The following BNC2 variants were observed in gnomAD, a reference collection of about 807,000 sequenced individuals.
The protein encoded by BNC2 is zinc finger protein basonuclin-2.
A neutral mutation model predicts 76.3 loss-of-function variants in BNC2; 20 were observed. That is an observed-to-expected ratio of 0.26 (90% CI 0.18 to 0.38). The LOEUF is 0.38. Ranked by LOEUF, BNC2 falls within the 10% of genes least tolerant of loss-of-function variation. The pLI is 1.00. For missense variants in BNC2, 1,382 were observed against 1,399.8 expected, an observed-to-expected ratio of 0.99 and a Z score of 0.20; for synonymous variants, 582 against 514.8, an observed-to-expected ratio of 1.13 and a Z score of -1.77.
Position 16,679,128 on chromosome 9 carries a change from G to C in BNC2, c.330+48669C>G, listed in dbSNP as rs113141567. ...CAATCACAGCCAGACTCTATAGAAA[G>C]CTACACTGTGCCTCAATTCAGCCTG... On this transcript the variant is annotated intron_variant, in intron 3 of 6. Coordinates refer to ENST00000380672, the MANE Select transcript of BNC2 (RefSeq NM_017637.6). Among the ~76,000 whole-genome samples the C allele has an allele frequency of 3.9e-3, 593 of 152,154 alleles. 1 individual carries two copies. The highest frequency in any genetic ancestry group is 0.013 in the African/African-American group (552 of 41,514).
intron 1 of BNC2, among the ~76,000 whole-genome samples, chr9:16,755,701 G>C (rs1825365565): frequency 1.3e-5 from 2 of 152,072 alleles, no homozygotes; most frequent in South Asian, 2.1e-4. Context: ...GTGTCTAATA[G>C]AAACTTCAAA....
intron 1 of BNC2, among the ~76,000 whole-genome samples, chr9:16,746,767 C>G (rs1205497596): frequency 6.6e-6 from 1 of 151,518 alleles, no homozygotes; most frequent in Non-Finnish European, 1.5e-5. Flanking sequence ...TCGAGACCAT[C>G]CTGGATTAAC....
At chr9:16,704,240 C>CA (rs1200606936) in intron 3 of BNC2, among the ~76,000 whole-genome samples, 1 of 152,118 alleles carries the variant, frequency 6.6e-6, no homozygotes, top group Non-Finnish European at 1.5e-5. Flanking sequence ...CAACTGAAGT[C>CA]AAATCATACA....
chr9:16,844,248 A>C (rs1818907771), intron 1 of BNC2, among the ~76,000 whole-genome samples: 1 of 152,080 alleles, frequency 6.6e-6, no homozygotes, highest in Admixed American at 6.6e-5. Flanking sequence ...GGGTGTTTGC[A>C]AAAACGGGTA....
intron 4 of BNC2, among the ~76,000 whole-genome samples, chr9:16,557,356 G>A (rs763118847): frequency 8.6e-5 from 13 of 151,964 alleles, no homozygotes; most frequent in East Asian, 1.9e-4. Flanking sequence ...AAAATAAGCC[G>A]GGCATGGTGG....
intron 5 of BNC2, among the ~76,000 whole-genome samples, chr9:16,530,997 C>T (rs1165919731): frequency 6.6e-6 from 1 of 152,194 alleles, no homozygotes; most frequent in East Asian, 1.9e-4. Flanking sequence ...CGAAACTTGC[C>T]ACCCACCTCC....
intron 5 of BNC2, among the ~76,000 whole-genome samples, chr9:16,520,787 A>G (rs923019664): frequency 6.6e-6 from 1 of 152,196 alleles, no homozygotes; most frequent in African/African-American, 2.4e-5. Context: ...ATGTTGTGTT[A>G]CTATAAGTTT....
intron 3 of BNC2, among the ~76,000 whole-genome samples, chr9:16,638,567 A>AC (rs1381941496): frequency 6.6e-6 from 1 of 152,126 alleles, no homozygotes; most frequent in Non-Finnish European, 1.5e-5. Flanking sequence ...TCTCCCCTGT[A>AC]CCCCTCAAAT....
At chr9:16,779,790 A>G (rs1826072794) in intron 1 of BNC2, among the ~76,000 whole-genome samples, 1 of 152,220 alleles carries the variant, frequency 6.6e-6, no homozygotes, top group African/African-American at 2.4e-5. Context: ...ATCCATAGAG[A>G]AAAAGTAGAT....
chr9:16,600,280 A>G (rs1820210490), intron 3 of BNC2, among the ~76,000 whole-genome samples: 1 of 152,234 alleles, frequency 6.6e-6, no homozygotes, highest in South Asian at 2.1e-4. Flanking sequence ...CTGAAACATT[A>G]TCTGAATATC....
intron 5 of BNC2, among the ~76,000 whole-genome samples, chr9:16,461,952 T>G (rs1821592162): frequency 1.3e-5 from 2 of 152,214 alleles, no homozygotes; most frequent in African/African-American, 4.8e-5. Flanking sequence ...TGCTTCTGCT[T>G]CCTAACAAAT....
chr9:16,824,184 T>C (rs1044947966), intron 1 of BNC2, among the ~76,000 whole-genome samples: 2 of 152,186 alleles, frequency 1.3e-5, no homozygotes, highest in South Asian at 4.1e-4. Flanking sequence ...GTAATGTGTC[T>C]AACGACAGTG....
At chr9:16,490,338 T>G (rs1330193543) in intron 5 of BNC2, among the ~76,000 whole-genome samples, 1 of 151,966 alleles carries the variant, frequency 6.6e-6, no homozygotes, top group Non-Finnish European at 1.5e-5. Context: ...TGGAGAGACT[T>G]ATTCACCATC....
chr9:16,599,986 A>G (rs1002109364), intron 3 of BNC2, among the ~76,000 whole-genome samples: 2 of 152,198 alleles, frequency 1.3e-5, no homozygotes, highest in Non-Finnish European at 2.9e-5. Flanking sequence ...AAAGGAAAAC[A>G]GGGGCAACCA....
At chr9:16,479,774 C>A (rs1199941166) in intron 5 of BNC2, among the ~76,000 whole-genome samples, 1 of 115,216 alleles carries the variant, frequency 8.7e-6, no homozygotes, top group South Asian at 3.9e-4. Context: ...GATCTGACTT[C>A]TTTCTTTATG....
chr9:16,774,552 C>G (rs1227568300), intron 1 of BNC2, among the ~76,000 whole-genome samples: 3 of 152,190 alleles, frequency 2.0e-5, no homozygotes, highest in Non-Finnish European at 4.4e-5. Context: ...TTTCCTCATC[C>G]AACTTTTAAA....
rs574650828 is a variant in BNC2 at position 16,665,580 on chromosome 9, A to G, written c.330+62217T>C. On this transcript the variant is annotated intron_variant, in intron 3 of 6. Transcript: ENST00000380672. ...TCTTACCATCTTATTTTACCATTTG[A>G]CACTATTTTATGCTACTAAGCATGA... Among the ~76,000 whole-genome samples, 228 of 152,314 alleles carry G rather than the reference A, an allele frequency of 1.5e-3. 2 individuals are homozygous for G. The highest frequency in any genetic ancestry group is 5.0e-3 in the African/African-American group (209 of 41,576).
intron 5 of BNC2, among the ~76,000 whole-genome samples, chr9:16,504,159 G>C (rs1053258335): frequency 2.0e-5 from 3 of 151,852 alleles, no homozygotes; most frequent in Non-Finnish European, 4.4e-5. Context: ...GCGAAATAAG[G>C]ATTATTTTCC....
chr9:16,767,605 G>C (rs140756906), intron 1 of BNC2, among the ~76,000 whole-genome samples: 1 of 152,022 alleles, frequency 6.6e-6, no homozygotes, highest in South Asian at 2.1e-4. Flanking sequence ...AGTATGAGAG[G>C]GTTGTATGCT....
Sources: gnomAD v4.1 joint callset for allele counts (sites outside exome capture counted in the v4.1 genomes callset) on GRCh38, gnomAD v4.1.1 for gene constraint, MANE v1.5 for transcripts, NCBI Gene and HGNC (gene_info 2026-07-23, HGNC 2026-07-21) for gene names.